Variants in AKAP13 observed in about 807,000 individuals in gnomAD.
The protein encoded by AKAP13 is A-kinase anchor protein 13.
A neutral mutation model predicts 264.5 loss-of-function variants in AKAP13; 80 were observed. The ratio of observed to expected loss-of-function variants is 0.30; its 90% CI spans 0.25 to 0.36. The LOEUF (loss-of-function observed/expected upper bound fraction) is 0.36. Among genes scored for constraint, AKAP13 ranks in the 10% least tolerant of loss-of-function variants. AKAP13 has a pLI of 1.00. For missense variants in AKAP13, 3,712 were observed against 3,435.2 expected (o/e 1.08, Z -2.01); for synonymous variants, 1,380 against 1,250.2 (o/e 1.10, Z -2.19).
At position 85,428,788 on chromosome 15, in the gene AKAP13, A is replaced by G. The variant is rs563163462; in HGVS notation, c.-12+47990A>G. Among the ~76,000 whole-genome samples the G allele has an allele frequency of 1.8e-4, 28 of 152,354 alleles. 1 individual carries two copies. In the South Asian group the frequency reaches 4.4e-3, roughly 24 times the overall value. Reference sequence around the variant, plus strand: ...CAGGAAAAACAAAAATACCCCTGAGAAAGCACACAGTTAAAAATGGTATTG... The same window carrying G: ...CAGGAAAAACAAAAATACCCCTGAGGAAGCACACAGTTAAAAATGGTATTG... On this transcript the variant is annotated intron_variant, in intron 1 of 36. Transcript: ENST00000394518.
At chr15:85,527,056 G>A (rs1021246542) in intron 3 of AKAP13, among the ~76,000 whole-genome samples, 1 of 151,872 alleles carries the variant, frequency 6.6e-6, no homozygotes, top group South Asian at 2.1e-4. Flanking sequence ...CTGGGTTCAG[G>A]CCATTCTCCT....
rs112524984 is a variant in AKAP13, at chr15:85,741,729, CAA to C, written c.8058+245_8058+246del. Among the ~76,000 whole-genome samples, 455 of 82,320 alleles carry C rather than the reference CAA, an allele frequency of 5.5e-3. 4 individuals carry two copies. The highest frequency in any genetic ancestry group is 0.025 in the Middle Eastern group (3 of 122). The allele number at this position is 82,320 out of a possible 152,430, so 54.0% of individuals were successfully genotyped here. On this transcript the variant is annotated intron_variant, in intron 35 of 36. Transcript: ENST00000394518. ...AAAAAAAAAAAAACAAACAAACAAA[CAA>C]AAAAAAAAAACAGTTTTTAAGAATC... is the stretch of plus-strand genomic sequence containing the variant.
intron 1 of AKAP13, among the ~76,000 whole-genome samples, chr15:85,394,475 CAG>C (rs1725569678): frequency 6.6e-6 from 1 of 152,154 alleles, no homozygotes; most frequent in African/African-American, 2.4e-5. Flanking sequence ...GTTGTTGGAG[CAG>C]AGACTCTGGC....
intron 14 of AKAP13, among the ~76,000 whole-genome samples, chr15:85,674,525 G>T (rs74025656): frequency 0.043 from 6,529 of 152,194 alleles, 467 homozygotes; most frequent in African/African-American, 0.15. Context: ...TTTCCCTTGG[G>T]GTTGTTTTTA....
At chr15:85,442,190 T>C (rs1165564973) in intron 1 of AKAP13, among the ~76,000 whole-genome samples, 1 of 151,488 alleles carries the variant, frequency 6.6e-6, no homozygotes, top group Admixed American at 6.6e-5. Context: ...GGTGGGCGGA[T>C]CACGAGGTCA....
chr15:85,477,152 A>G (rs1453479733), intron 1 of AKAP13, among the ~76,000 whole-genome samples: 1 of 152,056 alleles, frequency 6.6e-6, no homozygotes, highest in Non-Finnish European at 1.5e-5. Flanking sequence ...GAACTGTTCT[A>G]AAAGATTACT....
chr15:85,387,163 C>T (rs138544418), intron 1 of AKAP13, among the ~76,000 whole-genome samples: 1,934 of 151,896 alleles, frequency 0.013, 45 homozygotes, highest in African/African-American at 0.045. Flanking sequence ...GGCAAAACCC[C>T]GTCTCTACTA....
At chr15:85,420,802 G>GA (rs935163103) in intron 1 of AKAP13, among the ~76,000 whole-genome samples, 7 of 152,012 alleles carry the variant, frequency 4.6e-5, no homozygotes, top group African/African-American at 1.7e-4. Context: ...TTTTTCATTG[G>GA]AAAAAATTTA....
chr15:85,457,518 T>G (rs573603290), intron 1 of AKAP13, among the ~76,000 whole-genome samples: 3 of 152,234 alleles, frequency 2.0e-5, no homozygotes, highest in Admixed American at 6.5e-5. Context: ...AGGTGGAGAT[T>G]GGAGAGCGCC....
intron 8 of AKAP13, among the ~76,000 whole-genome samples, chr15:85,611,178 A>G (rs1019740059): frequency 1.3e-5 from 2 of 152,314 alleles, no homozygotes; most frequent in Middle Eastern, 3.4e-3. Context: ...TTTCTTTGAA[A>G]TACTTTCTCC....
intron 8 of AKAP13, among the ~76,000 whole-genome samples, chr15:85,626,163 ACT>A (rs938799582): frequency 1.3e-5 from 2 of 152,110 alleles, no homozygotes; most frequent in African/African-American, 2.4e-5. Flanking sequence ...ACTGGCTCTG[ACT>A]CTAACTGTGT....
rs190998937 is a variant in AKAP13, at chr15:85,618,579, G to A, written c.4162-20795G>A. Among the ~76,000 whole-genome samples, 374 of 152,110 alleles carry A rather than the reference G, an allele frequency of 2.5e-3. 3 individuals are homozygous for A. Among genetic ancestry groups the A allele is most frequent in the African/African-American group, 8.7e-3 (360 of 41,494 alleles). Reference sequence around the variant, plus strand: ...AAGTAAGAGAATGTCTCAGGTGAGAGAATGCATTCTGAAGTAAGTCTGTCC... The same window carrying A: ...AAGTAAGAGAATGTCTCAGGTGAGAAAATGCATTCTGAAGTAAGTCTGTCC... On this transcript the variant is annotated intron_variant, in intron 8 of 36. Transcript: ENST00000394518.
At position 85,504,503 on chromosome 15, in the gene AKAP13, C is replaced by CA. The variant is rs566579814; in HGVS notation, c.34-16893dup. Among the ~76,000 whole-genome samples the CA allele has an allele frequency of 2.9e-3, 265 of 91,014 alleles. 17 individuals are homozygous for CA. The highest frequency in any genetic ancestry group is 8.6e-3 in the African/African-American group (169 of 19,650). The allele number at this position is 91,014 out of a possible 152,430, so 59.7% of individuals were successfully genotyped here. ...GCGATGTGGTGAGACCCTGTCTTTACAAAAAAAAAAAAAAAAAAAAAAAAA... is the reference window on the plus strand; with the variant it reads ...GCGATGTGGTGAGACCCTGTCTTTACAAAAAAAAAAAAAAAAAAAAAAAAAA... On this transcript the variant is annotated intron_variant, in intron 2 of 36. Coordinates refer to ENST00000394518, the MANE Select transcript of AKAP13 (RefSeq NM_007200.5).
At chr15:85,618,880 A>C (rs2081052731) in intron 8 of AKAP13, among the ~76,000 whole-genome samples, 1 of 152,220 alleles carries the variant, frequency 6.6e-6, no homozygotes, top group Non-Finnish European at 1.5e-5. Context: ...TTTAAACTTT[A>C]TCAGACACAT....
chr15:85,390,224 A>G (rs2070787251), intron 1 of AKAP13, among the ~76,000 whole-genome samples: 1 of 152,256 alleles, frequency 6.6e-6, no homozygotes, highest in South Asian at 2.1e-4. Context: ...AGTAGAAAAT[A>G]AACGAGTGAA....
rs373245357 is a variant in AKAP13, at chr15:85,704,912, C to T, written c.5465-3107C>T. The stretch of plus-strand genomic sequence containing the variant: ...GTTTCTAAATCACCCACGCACAGCT[C>T]TAAAACTGTCACTGTGAATTGAGTC... On this transcript the variant is annotated intron_variant, in intron 17 of 36. Transcript: ENST00000394518. 1.2e-4 allele frequency among the ~76,000 whole-genome samples: 19 copies of T among 152,144 alleles called. No individual in the cohort carries two copies. In the East Asian group the frequency reaches 1.5e-3, roughly 12 times the overall value.
intron 1 of AKAP13, among the ~76,000 whole-genome samples, chr15:85,455,142 T>C (rs888686863): frequency 1.3e-5 from 2 of 152,218 alleles, no homozygotes; most frequent in African/African-American, 4.8e-5. Context: ...TTAGGACTTC[T>C]GGATCTTCAG....
rs573645217 is a variant in AKAP13, at chr15:85,745,102, A to G, written c.*425A>G. On this transcript the variant is annotated 3_prime_UTR_variant, in exon 37 of 37. Transcript: ENST00000394518. ...TTTTGGACTTGATCTGTGTACGTACATGGGGACCTGTCTGCATATACACAC... is the reference window on the plus strand; with the variant it reads ...TTTTGGACTTGATCTGTGTACGTACGTGGGGACCTGTCTGCATATACACAC... 10 of 160,458 alleles carry G rather than the reference A, an allele frequency of 6.2e-5. No individual in the cohort carries two copies. In the East Asian group the frequency reaches 1.7e-3, roughly 27 times the overall value. 9.9% of individuals were successfully genotyped at this position (160,458 alleles called of 1,614,324 possible).
rs999268823 is a variant in AKAP13, at chr15:85,718,671, G to A, written c.6002-405G>A. 2 of 205,600 alleles carry A rather than the reference G, an allele frequency of 9.7e-6. No individual in the cohort carries two copies. The highest frequency in any genetic ancestry group is 4.8e-5 in the African/African-American group (2 of 42,098). 12.7% of individuals were successfully genotyped at this position (205,600 alleles called of 1,614,324 possible). A position where few individuals can be genotyped will look rare whatever the true frequency, so the allele number is the denominator to read the frequency against. On this transcript the variant is annotated intron_variant, in intron 22 of 36. Transcript: ENST00000394518. This position sits in a 1 kb window ranked among gnomAD's most constrained non-coding sequence, Gnocchi z 4.9. ...AATCCCAGCACTCTGGGAGGCTGAG[G>A]CGGGTGGATCACTCGAGCCCAGAGT...
Sources: gnomAD v4.1 joint callset for allele counts (sites outside exome capture counted in the v4.1 genomes callset) on GRCh38, gnomAD v4.1.1 for gene constraint, Gnocchi (gnomAD v3.1) non-coding constraint, MANE v1.5 for transcripts, NCBI Gene and HGNC (gene_info 2026-07-23, HGNC 2026-07-21) for gene names.